MYO9A: variants seen among roughly 807,000 people sequenced by gnomAD.
The protein encoded by MYO9A is myosin IXA.
MYO9A carries 103 observed loss-of-function variants against 293.3 expected under a neutral mutation model. The ratio of observed to expected loss-of-function variants is 0.35; its 90% CI spans 0.30 to 0.41. MYO9A has a LOEUF of 0.41. Among genes scored for constraint, MYO9A ranks in the 10% least tolerant of loss-of-function variants. MYO9A has a pLI of 1.00. For missense variants in MYO9A, 2,685 were observed against 3,033.0 expected (o/e 0.89, Z 2.69); for synonymous variants, 1,001 against 1,035.7 (o/e 0.97, Z 0.64).
chr15:71,827,643 TAAG>T, intron 41 of MYO9A, among the ~76,000 whole-genome samples: 1 of 152,286 alleles, frequency 6.6e-6, no homozygotes, highest in Non-Finnish European at 1.5e-5. Flanking sequence ...GTCAGGAATC[TAAG>T]TAGCAAAGAC....
At chr15:72,072,569 C>G (rs2079227863) in intron 1 of MYO9A, among the ~76,000 whole-genome samples, 1 of 152,154 alleles carries the variant, frequency 6.6e-6, no homozygotes, top group African/African-American at 2.4e-5. Context: ...GAATATCACA[C>G]TACCATAAAA....
At chr15:71,978,428 A>G in intron 11 of MYO9A, 136 bp from the exon 12 acceptor site, 1 of 668,742 alleles carries the variant, frequency 1.5e-6, no homozygotes, top group East Asian at 3.3e-5. Context: ...GAAAGAATGT[A>G]TAATTTCAGT....
At chr15:71,894,343 G>A (rs150498490) in intron 25 of MYO9A, among the ~76,000 whole-genome samples, 230 of 152,260 alleles carry the variant, frequency 1.5e-3, no homozygotes, top group African/African-American at 4.8e-3. Flanking sequence ...TTGGGAGGCC[G>A]AGGCAGGCGG....
At position 71,934,728 on chromosome 15, in the gene MYO9A, G is replaced by GTAGCTGGA. The variant is rs1453002660; in HGVS notation, c.2522+605_2522+612dup. The stretch of plus-strand genomic sequence containing the variant: ...TGATCCTCCTACCTCAGTCTCCTGA[G>GTAGCTGGA]TAGCTGGAACTACATGCATGCACTA... On this transcript the variant is annotated intron_variant, in intron 17 of 41. Transcript: ENST00000356056. Among the ~76,000 whole-genome samples, 3 of 146,584 alleles carry GTAGCTGGA rather than the reference G, an allele frequency of 2.0e-5. No homozygotes were observed. In the East Asian group the frequency reaches 6.1e-4, roughly 30 times the overall value.
chr15:72,083,301 G>A (rs781395759), intron 1 of MYO9A, among the ~76,000 whole-genome samples: 1 of 152,098 alleles, frequency 6.6e-6, no homozygotes, highest in Non-Finnish European at 1.5e-5. Context: ...TCTAGTTTCT[G>A]TACACAGAGG....
rs2054444522 is a variant in MYO9A at position 71,825,512 on chromosome 15, TA to T, written c.*1067del. On this transcript the variant is annotated 3_prime_UTR_variant, in exon 42 of 42. Transcript: ENST00000356056. ...AGATAGGTCATATTAAAAACCTTTT[TA>T]TTTTTTGGCAGCTTTCTGTAACACT... is the stretch of plus-strand genomic sequence containing the variant. 6.6e-6 allele frequency: 1 copy of T among 152,372 alleles called. No homozygotes were observed. Among genetic ancestry groups the T allele is most frequent in the Non-Finnish European group, 1.5e-5 (1 of 68,036 alleles). The allele number at this position is 152,372 out of a possible 1,614,324, so 9.4% of individuals were successfully genotyped here. A position where few individuals can be genotyped will look rare whatever the true frequency, so the allele number is the denominator to read the frequency against.
intron 1 of MYO9A, among the ~76,000 whole-genome samples, chr15:72,107,823 G>A (rs138418791): frequency 0.014 from 1,841 of 130,524 alleles, 57 homozygotes; most frequent in Admixed American, 0.065. Flanking sequence ...GTCTGCAAAT[G>A]ACTATAATAC....
chr15:71,883,810 G>A, intron 27 of MYO9A, 74 bp from the exon 28 acceptor site: 1 of 1,324,154 alleles, frequency 7.6e-7, no homozygotes. Flanking sequence ...ATCACTTTAA[G>A]CTTTACAAAT....
chr15:72,080,611 G>GTT (rs58059321), intron 1 of MYO9A, among the ~76,000 whole-genome samples: 2 of 148,130 alleles, frequency 1.4e-5, no homozygotes, highest in African/African-American at 5.0e-5. Context: ...TACTTTTTGG[G>GTT]TTTTTTTTTT....
chr15:72,083,622 A>G (rs1477664486), intron 1 of MYO9A, among the ~76,000 whole-genome samples: 1 of 151,990 alleles, frequency 6.6e-6, no homozygotes, highest in Non-Finnish European at 1.5e-5. Flanking sequence ...GATCTTTTTA[A>G]CTTTTTCATG....
chr15:72,050,171 T>G (rs1215958533), intron 1 of MYO9A, among the ~76,000 whole-genome samples: 1 of 151,854 alleles, frequency 6.6e-6, no homozygotes, highest in East Asian at 1.9e-4. Context: ...TTTTTTTTTT[T>G]ACAAAAAGGA....
chr15:71,919,838 T>C (rs1191992123), intron 18 of MYO9A, among the ~76,000 whole-genome samples: 1 of 64,212 alleles, frequency 1.6e-5, no homozygotes, highest in African/African-American at 6.8e-5. Flanking sequence ...TAAGACTCCA[T>C]CTCAAAAAAA....
At chr15:72,029,903 A>AT (rs1441404055) in intron 3 of MYO9A, among the ~76,000 whole-genome samples, 2 of 152,150 alleles carry the variant, frequency 1.3e-5, no homozygotes, top group African/African-American at 4.8e-5. Context: ...CTTAAGCTGT[A>AT]TTTCTCCCAG....
chr15:71,938,185 T>G (rs1218445074), intron 16 of MYO9A, among the ~76,000 whole-genome samples: 2 of 151,928 alleles, frequency 1.3e-5, no homozygotes, highest in Non-Finnish European at 2.9e-5. Flanking sequence ...TTGGAAAAAA[T>G]GATCAATGAA....
chr15:71,914,585 G>A (rs2057954608), intron 19 of MYO9A, among the ~76,000 whole-genome samples: 1 of 152,144 alleles, frequency 6.6e-6, no homozygotes, highest in Non-Finnish European at 1.5e-5. Context: ...ATGCATACGT[G>A]TAAATTTTTG....
At chr15:71,829,659 G>A (rs993629964) in intron 40 of MYO9A, among the ~76,000 whole-genome samples, 1 of 151,922 alleles carries the variant, frequency 6.6e-6, no homozygotes, top group African/African-American at 2.4e-5. Flanking sequence ...TCATGGATTT[G>A]TGAATAATGC....
intron 27 of MYO9A, among the ~76,000 whole-genome samples, chr15:71,884,002 G>A (rs544117472): frequency 7.2e-5 from 11 of 152,000 alleles, no homozygotes; most frequent in Non-Finnish European, 1.2e-4. Context: ...ACCCAGAGAA[G>A]TTCAATATTT....
intron 39 of MYO9A, among the ~76,000 whole-genome samples, chr15:71,840,442 A>G (rs963040677): frequency 2.8e-4 from 43 of 152,152 alleles, no homozygotes; most frequent in Non-Finnish European, 1.2e-4. Context: ...TCTGATGCCA[A>G]GTGGAGCCCA....
At chr15:72,049,394 T>C (rs2078486438) in intron 1 of MYO9A, among the ~76,000 whole-genome samples, 1 of 152,230 alleles carries the variant, frequency 6.6e-6, no homozygotes, top group South Asian at 2.1e-4. Flanking sequence ...CTATGTTTGC[T>C]TTCCTGAATC....
Sources: gnomAD v4.1 joint callset for allele counts (sites outside exome capture counted in the v4.1 genomes callset) on GRCh38, gnomAD v4.1.1 for gene constraint, MANE v1.5 for transcripts, NCBI Gene and HGNC (gene_info 2026-07-23, HGNC 2026-07-21) for gene names.